SPAG6: variants seen among roughly 807,000 people sequenced by gnomAD.
SPAG6 encodes the protein sperm-associated antigen 6.
Under a neutral mutation model 58.5 loss-of-function variants are expected in SPAG6, and 49 were observed. The ratio of observed to expected loss-of-function variants is 0.84; its 90% CI spans 0.67 to 1.06. SPAG6 has a LOEUF of 1.06. Ranked by LOEUF, SPAG6 falls within the 50% of genes least tolerant of loss-of-function variation. The pLI, the probability that SPAG6 is intolerant of heterozygous loss-of-function variation, is 0.00. For missense variants in SPAG6, 560 were observed against 611.3 expected (o/e 0.92, Z 0.89); for synonymous variants, 233 against 225.6 (o/e 1.03, Z -0.29).
chr10:22,388,958 G>T (rs565843428), intron 6 of SPAG6, among the ~76,000 whole-genome samples: 1 of 152,132 alleles, frequency 6.6e-6, no homozygotes, highest in African/African-American at 2.4e-5. Context: ...GAACCACAGA[G>T]TAAAGCTCCT....
intron 2 of SPAG6, among the ~76,000 whole-genome samples, chr10:22,346,605 A>G (rs1423830549): frequency 6.6e-6 from 1 of 151,444 alleles, no homozygotes; most frequent in Non-Finnish European, 1.5e-5. Flanking sequence ...GCATTTTATC[A>G]CTACTGTGTC....
intron 7 of SPAG6, among the ~76,000 whole-genome samples, chr10:22,391,436 A>G (rs372807002): frequency 7.2e-5 from 11 of 152,320 alleles, no homozygotes; most frequent in South Asian, 6.2e-4. Flanking sequence ...GGCTTTGCCT[A>G]TTTCCTAGTC....
chr10:22,411,260 A>C (rs988741792), intron 10 of SPAG6, 84 bp downstream of exon 10: 19 of 1,187,992 alleles, frequency 1.6e-5, no homozygotes, highest in Non-Finnish European at 2.1e-5. Flanking sequence ...CACTGTGTCA[A>C]AATGTGGACT....
chr10:22,348,452 A>G (rs12259102), intron 2 of SPAG6, among the ~76,000 whole-genome samples: 8,075 of 152,228 alleles, frequency 0.053, 717 homozygotes, highest in African/African-American at 0.18. Context: ...ACCAATGCAT[A>G]TTACTCCTGA....
intron 8 of SPAG6, among the ~76,000 whole-genome samples, chr10:22,394,173 T>G (rs1353814049): frequency 6.6e-6 from 1 of 152,236 alleles, no homozygotes; most frequent in Non-Finnish European, 1.5e-5. Flanking sequence ...GTAAATACTT[T>G]CTCACATTCT....
At chr10:22,381,475 G>C (rs1259027590) in intron 4 of SPAG6, among the ~76,000 whole-genome samples, 2 of 149,288 alleles carry the variant, frequency 1.3e-5, no homozygotes, top group Non-Finnish European at 3.0e-5. Context: ...TGGTCCCTAG[G>C]CTTTTGCACT....
chr10:22,382,462 T>C (rs1193013169), intron 4 of SPAG6, among the ~76,000 whole-genome samples: 1 of 152,166 alleles, frequency 6.6e-6, no homozygotes, highest in Non-Finnish European at 1.5e-5. Context: ...GTTTAAAAAA[T>C]GTAATATTTT....
intron 10 of SPAG6, among the ~76,000 whole-genome samples, chr10:22,413,688 G>GATATATATATATATATATATACAT (rs59765652): frequency 7.1e-6 from 1 of 141,614 alleles, no homozygotes; most frequent in African/African-American, 2.8e-5. Context: ...TCAAATTTCT[G>GATATATATATATATATATATACAT]ATATATATAT....
At chr10:22,361,680 A>G (rs1205019738) in intron 2 of SPAG6, among the ~76,000 whole-genome samples, 1 of 151,994 alleles carries the variant, frequency 6.6e-6, no homozygotes, top group Non-Finnish European at 1.5e-5. Context: ...AGTAAGTGAG[A>G]CTCCGTCTCA....
At chr10:22,348,049 G>A (rs979532663) in intron 2 of SPAG6, among the ~76,000 whole-genome samples, 1 of 151,856 alleles carries the variant, frequency 6.6e-6, no homozygotes, top group African/African-American at 2.4e-5. Context: ...AGAGTGCAGT[G>A]GCATGATCTC....
chr10:22,401,832 A>G (rs939013805), intron 9 of SPAG6, among the ~76,000 whole-genome samples: 1 of 152,256 alleles, frequency 6.6e-6, no homozygotes, highest in Non-Finnish European at 1.5e-5. Context: ...AAGTGGGCAC[A>G]GCCAGCAGAG....
intron 8 of SPAG6, among the ~76,000 whole-genome samples, chr10:22,396,105 G>C (rs894928012): frequency 8.5e-5 from 13 of 152,294 alleles, no homozygotes; most frequent in African/African-American, 2.9e-4. Context: ...CAGAGCAGGA[G>C]AGAGGGAGCG....
In SPAG6 at chr10:22,405,435, A is replaced by G. The variant is rs1234144953; in HGVS notation, c.1314+4158A>G. 1.1e-4 allele frequency among the ~76,000 whole-genome samples: 17 copies of G among 151,036 alleles called. 2 individuals carry two copies. The highest frequency in any genetic ancestry group is 3.6e-4 in the African/African-American group (15 of 41,180). ...TTTGGTTCTGTTTATATGCTGGATT[A>G]CATTTATTGATTTGCATATATTGAA... On this transcript the variant is annotated intron_variant, in intron 9 of 10. Transcript: ENST00000376624.
chr10:22,356,054 G>A (rs1315448276), intron 2 of SPAG6, among the ~76,000 whole-genome samples: 1 of 152,212 alleles, frequency 6.6e-6, no homozygotes, highest in Non-Finnish European at 1.5e-5. Flanking sequence ...AATGGTTGTA[G>A]TATTAAAATC....
chr10:22,412,546 A>G (rs890714170), intron 10 of SPAG6: 1 of 1,147,396 alleles, frequency 8.7e-7, no homozygotes, highest in Non-Finnish European at 1.2e-6. Flanking sequence ...ATATTAATAT[A>G]TATGATACAT....
At chr10:22,413,845 T>C (rs1834804768) in intron 10 of SPAG6, among the ~76,000 whole-genome samples, 2 of 152,142 alleles carry the variant, frequency 1.3e-5, no homozygotes, top group South Asian at 2.1e-4. Context: ...AATAGTTTCA[T>C]TTTTACAATT....
chr10:22,378,868 T>G (rs967808014), intron 4 of SPAG6, among the ~76,000 whole-genome samples: 1 of 152,228 alleles, frequency 6.6e-6, no homozygotes, highest in African/African-American at 2.4e-5. Flanking sequence ...CCCAGCTGAT[T>G]GTAATTTCTT....
At chr10:22,389,019 TAATA>T (rs2132084134) in intron 6 of SPAG6, 137 bp from the exon 7 acceptor site, 1 of 634,252 alleles carries the variant, frequency 1.6e-6, no homozygotes, top group African/African-American at 1.8e-5. Flanking sequence ...TATATTTCTT[TAATA>T]AATATAATAA....
chr10:22,378,363 C>T (rs995531987), intron 4 of SPAG6, among the ~76,000 whole-genome samples: 2 of 151,186 alleles, frequency 1.3e-5, no homozygotes, highest in African/African-American at 4.9e-5. Flanking sequence ...TGCGTCTGGC[C>T]ATGAGTACAG....
Sources: allele counts gnomAD v4.1 joint callset (sites outside exome capture counted in the v4.1 genomes callset), GRCh38; gene constraint gnomAD v4.1.1; transcripts MANE v1.5; gene names NCBI Gene and HGNC (gene_info 2026-07-23, HGNC 2026-07-21).